CEP85L: variants seen among roughly 807,000 people sequenced by gnomAD.
The protein encoded by CEP85L is centrosomal protein 85L, also known as centrosomal protein of 85 kDa-like.
A neutral mutation model predicts 100.3 loss-of-function variants in CEP85L; 60 were observed. The ratio of observed to expected loss-of-function variants is 0.60; its 90% CI spans 0.49 to 0.74. CEP85L has a LOEUF of 0.74. Among genes scored for constraint, CEP85L ranks in the 30% least tolerant of loss-of-function variants. CEP85L has a pLI of 0.00. For synonymous variants in CEP85L, 319 were observed against 322.7 expected, an observed-to-expected ratio of 0.99 and a Z score of 0.12; for missense variants, 973 against 936.2, an observed-to-expected ratio of 1.04 and a Z score of -0.51.
At chr6:118,496,356 T>TTTTATTTTA (rs1774919838) in intron 5 of CEP85L, among the ~76,000 whole-genome samples, 1 of 139,460 alleles carries the variant, frequency 7.2e-6, no homozygotes, top group Non-Finnish European at 1.5e-5. Context: ...TATTTTATAT[T>TTTTATTTTA]TTTTATTTTA....
At chr6:118,563,247 A>C (rs1779325854) in intron 3 of CEP85L, among the ~76,000 whole-genome samples, 1 of 152,214 alleles carries the variant, frequency 6.6e-6, no homozygotes, top group South Asian at 2.1e-4. Flanking sequence ...TTAGCAGAAA[A>C]CCATGGAAAT....
chr6:118,592,274 C>T (rs995190576), intron 2 of CEP85L, among the ~76,000 whole-genome samples: 7 of 150,698 alleles, frequency 4.6e-5, no homozygotes, highest in African/African-American at 9.8e-5. Flanking sequence ...AAGAGAAACT[C>T]GTCTCCACCA....
intron 1 of CEP85L, among the ~76,000 whole-genome samples, chr6:118,648,359 C>A (rs1251464913): frequency 6.6e-6 from 1 of 152,150 alleles, no homozygotes; most frequent in African/African-American, 2.4e-5. Context: ...AAAGCGAAGG[C>A]TAAAAGTTCA....
intron 1 of CEP85L, among the ~76,000 whole-genome samples, chr6:118,687,925 A>T (rs1776890082): frequency 6.6e-6 from 1 of 152,142 alleles, no homozygotes; most frequent in African/African-American, 2.4e-5. Flanking sequence ...AATCAAGCTG[A>T]ACACTAGTCA....
At chr6:118,593,089 CA>C (rs1781279738) in intron 2 of CEP85L, among the ~76,000 whole-genome samples, 1 of 152,052 alleles carries the variant, frequency 6.6e-6, no homozygotes, top group African/African-American at 2.4e-5. Context: ...TAATAAAATA[CA>C]TAAGCAAGGA....
At chr6:118,548,630 G>A (rs1778350396) in intron 3 of CEP85L, among the ~76,000 whole-genome samples, 1 of 151,910 alleles carries the variant, frequency 6.6e-6, no homozygotes, top group Non-Finnish European at 1.5e-5. Flanking sequence ...CCTGGTTACT[G>A]GTTTGTCATT....
intron 1 of CEP85L, among the ~76,000 whole-genome samples, chr6:118,684,215 C>T (rs2798328): frequency 0.45 from 68,931 of 151,978 alleles, 16,267 homozygotes; most frequent in African/African-American, 0.57. Flanking sequence ...CATTAGAAAA[C>T]ACCCCCCTAC....
intron 2 of CEP85L, among the ~76,000 whole-genome samples, chr6:118,573,476 A>T (rs978761167): frequency 6.6e-6 from 1 of 152,224 alleles, no homozygotes; most frequent in Admixed American, 6.5e-5. Context: ...AAGGAAGAGC[A>T]AAGAGACAAA....
intron 1 of CEP85L, among the ~76,000 whole-genome samples, chr6:118,665,909 CT>C (rs1366879723): frequency 6.6e-6 from 1 of 152,158 alleles, no homozygotes; most frequent in East Asian, 1.9e-4. Context: ...TTACATCCCC[CT>C]GGTGTTTGTG....
At chr6:118,596,105 A>G (rs1781445748) in intron 2 of CEP85L, among the ~76,000 whole-genome samples, 1 of 152,196 alleles carries the variant, frequency 6.6e-6, no homozygotes, top group South Asian at 2.1e-4. Flanking sequence ...TTTAGCTAGC[A>G]TAGATTTGTT....
chr6:118,559,187 AAG>A (rs1046677901), intron 3 of CEP85L: 24 of 857,320 alleles, frequency 2.8e-5, no homozygotes, highest in African/African-American at 2.1e-4. Context: ...TCCTGAGTAG[AAG>A]AGTTTCTTTG....
intron 2 of CEP85L, among the ~76,000 whole-genome samples, chr6:118,624,106 C>A (rs1016672764): frequency 2.0e-5 from 3 of 152,154 alleles, no homozygotes; most frequent in Admixed American, 2.0e-4. Context: ...ACTTGAGGCC[C>A]TGCTTCTCCT....
rs377430102 is a variant in CEP85L at position 118,554,855 on chromosome 6, C to T, written c.1020+10674G>A. On this transcript the variant is annotated intron_variant, in intron 3 of 12. Coordinates refer to ENST00000368491, the MANE Select transcript of CEP85L (RefSeq NM_001042475.3). ...GAACAACATGTGCAAAGAACAAAAT[C>T]ACAAAAGGGAATGGAGTATTTATGG... Among the ~76,000 whole-genome samples, 16 of 152,210 alleles carry T rather than the reference C, an allele frequency of 1.1e-4. No homozygotes were observed. The East Asian group carries it at 1.9e-3, about 18-fold the overall frequency.
At position 118,600,300 on chromosome 6, in the gene CEP85L, G is replaced by GGGGGGTGTGTGTGTGTGT. The variant is rs1562297733; in HGVS notation, c.232+32152_232+32153insACACACACACACACCCCC. Among the ~76,000 whole-genome samples the GGGGGGTGTGTGTGTGTGT allele has an allele frequency of 1.1e-4, 6 of 52,246 alleles. 1 individual carries two copies. Among genetic ancestry groups the GGGGGGTGTGTGTGTGTGT allele is most frequent in the Admixed American group, 6.2e-4 (3 of 4,838 alleles). The allele number at this position is 52,246 out of a possible 152,430, so 34.3% of individuals were successfully genotyped here. ...CTGCCTGTCCCTGAGCCTTCCTGGG[G>GGGGGGTGTGTGTGTGTGT]GTGTGTGTGTGTGTGTGTGTGTGTG... On this transcript the variant is annotated intron_variant, in intron 2 of 12. Coordinates refer to ENST00000368491, the MANE Select transcript of CEP85L (RefSeq NM_001042475.3).
intron 12 of CEP85L, among the ~76,000 whole-genome samples, chr6:118,468,452 G>A (rs536327053): frequency 6.6e-5 from 10 of 152,260 alleles, no homozygotes; most frequent in Admixed American, 2.6e-4. Context: ...AGAGATGAGC[G>A]TTTCTGCAAA....
Position 118,476,201 on chromosome 6 carries a change from T to C in CEP85L, c.1914+3670A>G, listed in dbSNP as rs545710264. 2.6e-5 allele frequency among the ~76,000 whole-genome samples: 4 copies of C among 152,188 alleles called. No individual in the cohort carries two copies. In the South Asian group the frequency reaches 6.2e-4, roughly 24 times the overall value. ...CACATTTTTTGACATATCTTAATTA[T>C]GCAACTATAACATGCATACAACAGA... On this transcript the variant is annotated intron_variant, in intron 10 of 12. Transcript: ENST00000368491.
At chr6:118,557,965 CTT>C (rs112347844) in intron 3 of CEP85L, among the ~76,000 whole-genome samples, 37 of 140,922 alleles carry the variant, frequency 2.6e-4, no homozygotes, top group Admixed American at 2.2e-3. Context: ...TCTTTGTTGG[CTT>C]TTTTTTTTTT....
chr6:118,564,989 A>T (rs1022998512), intron 3 of CEP85L: 1 of 151,814 alleles, frequency 6.6e-6, no homozygotes, highest in Non-Finnish European at 1.5e-5. Flanking sequence ...GCCTTGACAC[A>T]TAATTTTTTT....
At chr6:118,506,784 G>A (rs1775685433) in intron 5 of CEP85L, among the ~76,000 whole-genome samples, 1 of 152,144 alleles carries the variant, frequency 6.6e-6, no homozygotes, top group Admixed American at 6.5e-5. Context: ...GAGGTCAGAT[G>A]TTTTAATTTC....
Sources: gnomAD v4.1 joint callset for allele counts (sites outside exome capture counted in the v4.1 genomes callset) on GRCh38, gnomAD v4.1.1 for gene constraint, MANE v1.5 for transcripts, NCBI Gene and HGNC (gene_info 2026-07-23, HGNC 2026-07-21) for gene names.